PRKCE: variants seen among roughly 807,000 people sequenced by gnomAD.
PRKCE encodes protein kinase C epsilon type.
A neutral mutation model predicts 85.4 loss-of-function variants in PRKCE; 16 were observed. That is an observed-to-expected ratio of 0.19 (90% CI 0.13 to 0.28). PRKCE has a LOEUF of 0.28. Ranked by LOEUF, PRKCE falls within the 10% of genes least tolerant of loss-of-function variation. The probability of loss-of-function intolerance (pLI) is 1.00; values close to 1 mark genes in which losing one functional copy is unlikely to be tolerated. For synonymous variants in PRKCE, 388 were observed against 371.5 expected (o/e 1.04, Z -0.51); for missense variants, 573 against 975.2 (o/e 0.59, Z 5.49).
chr2:45,881,784 T>C (rs1320667833), intron 2 of PRKCE, among the ~76,000 whole-genome samples: 2 of 152,194 alleles, frequency 1.3e-5, no homozygotes, highest in African/African-American at 4.8e-5. Flanking sequence ...GTCCTTAATC[T>C]TACTCTTTAC....
At chr2:46,028,094 A>G (rs1707254944) in intron 10 of PRKCE, among the ~76,000 whole-genome samples, 1 of 151,996 alleles carries the variant, frequency 6.6e-6, no homozygotes, top group African/African-American at 2.4e-5. Flanking sequence ...GGCTCCCACC[A>G]CTGCACCCGG....
intron 3 of PRKCE, among the ~76,000 whole-genome samples, chr2:45,977,792 C>T (rs1248135994): frequency 6.6e-6 from 1 of 152,212 alleles, no homozygotes; most frequent in African/African-American, 2.4e-5. Flanking sequence ...GATTCTACCC[C>T]TAGTAGTCTG....
intron 1 of PRKCE, among the ~76,000 whole-genome samples, chr2:45,834,540 A>C (rs1032956542): frequency 1.3e-5 from 2 of 151,888 alleles, no homozygotes; most frequent in Admixed American, 1.3e-4. Context: ...GCTGATTAAG[A>C]CTCCTTCTGG....
intron 10 of PRKCE, among the ~76,000 whole-genome samples, chr2:46,060,431 G>A (rs1306536526): frequency 6.6e-6 from 1 of 152,162 alleles, no homozygotes; most frequent in African/African-American, 2.4e-5. Context: ...AAAGCAGTGA[G>A]GGTTAAGTGA....
chr2:45,882,747 GC>G (rs1416273870), intron 2 of PRKCE, among the ~76,000 whole-genome samples: 1 of 152,254 alleles, frequency 6.6e-6, no homozygotes, highest in Non-Finnish European at 1.5e-5. Flanking sequence ...TGCCTTAAGA[GC>G]TGGAATCTGA....
At chr2:45,937,478 T>C (rs1345149237) in intron 2 of PRKCE, among the ~76,000 whole-genome samples, 1 of 152,100 alleles carries the variant, frequency 6.6e-6, no homozygotes, top group Non-Finnish European at 1.5e-5. Context: ...TTTGGGAGGC[T>C]CAGGCGCGCG....
chr2:45,919,091 T>A (rs984439951), intron 2 of PRKCE, among the ~76,000 whole-genome samples: 1 of 152,158 alleles, frequency 6.6e-6, no homozygotes, highest in Non-Finnish European at 1.5e-5. Context: ...ATCAAGGTTG[T>A]TATATGGAAA....
intron 11 of PRKCE, among the ~76,000 whole-genome samples, chr2:46,136,573 T>G (rs935112493): frequency 2.0e-5 from 3 of 152,152 alleles, no homozygotes; most frequent in African/African-American, 7.2e-5. Flanking sequence ...GTTCTTTATC[T>G]GCAAACCTAT....
chr2:45,864,433 A>C (rs1167711237), intron 2 of PRKCE, among the ~76,000 whole-genome samples: 1 of 152,214 alleles, frequency 6.6e-6, no homozygotes, highest in African/African-American at 2.4e-5. Flanking sequence ...TAGGAACAAT[A>C]GACTGTCCTA....
intron 2 of PRKCE, among the ~76,000 whole-genome samples, chr2:45,914,454 T>C (rs771996412): frequency 6.6e-6 from 1 of 152,106 alleles, no homozygotes; most frequent in African/African-American, 2.4e-5. Flanking sequence ...AGATCTAGAT[T>C]TAGGAATTGT....
chr2:45,918,859 G>C (rs999286413), intron 2 of PRKCE, among the ~76,000 whole-genome samples: 1 of 152,196 alleles, frequency 6.6e-6, no homozygotes, highest in African/African-American at 2.4e-5. Flanking sequence ...AGGACAGGCC[G>C]TATTATTGAA....
At chr2:45,733,392 C>T (rs1337111143) in intron 1 of PRKCE, among the ~76,000 whole-genome samples, 1 of 152,160 alleles carries the variant, frequency 6.6e-6, no homozygotes, top group African/African-American at 2.4e-5. Context: ...CAGATAAGGT[C>T]TCTGTCCTCA....
intron 2 of PRKCE, among the ~76,000 whole-genome samples, chr2:45,968,922 C>A (rs747013585): frequency 6.6e-6 from 1 of 151,810 alleles, no homozygotes; most frequent in Non-Finnish European, 1.5e-5. Flanking sequence ...GTCTCACCCC[C>A]AAAGAAAACG....
chr2:45,990,632 C>G (rs1703715084), intron 6 of PRKCE, among the ~76,000 whole-genome samples: 1 of 151,830 alleles, frequency 6.6e-6, no homozygotes, highest in South Asian at 2.1e-4. Flanking sequence ...TAGCACTTAT[C>G]ATCTTCTAAT....
intron 1 of PRKCE, among the ~76,000 whole-genome samples, chr2:45,686,863 A>G (rs1159242215): frequency 1.3e-5 from 2 of 152,206 alleles, no homozygotes; most frequent in Middle Eastern, 3.2e-3. Context: ...GGCATTTTAT[A>G]TCAGTGAAGA....
chr2:45,840,774 C>A (rs1691282509), intron 1 of PRKCE, among the ~76,000 whole-genome samples: 2 of 152,164 alleles, frequency 1.3e-5, no homozygotes, highest in Admixed American at 6.5e-5. Context: ...ACTCTGGGAG[C>A]CTCCTGGATT....
intron 12 of PRKCE, among the ~76,000 whole-genome samples, chr2:46,148,810 C>T (rs1191962119): frequency 1.3e-5 from 2 of 152,192 alleles, no homozygotes; most frequent in Non-Finnish European, 2.9e-5. Context: ...CTCGTAGGAA[C>T]AGGCAGGGGT....
intron 1 of PRKCE, chr2:45,676,295 G>T (rs931084260): frequency 1.3e-5 from 2 of 152,186 alleles, no homozygotes; most frequent in Admixed American, 6.5e-5. Context: ...CCTGTTTCTT[G>T]TAACTATTTG....
chr2:45,973,819 C>T (rs568029473), intron 2 of PRKCE, among the ~76,000 whole-genome samples: 88 of 152,286 alleles, frequency 5.8e-4, no homozygotes, highest in Non-Finnish European at 1.0e-3. Context: ...CTGTAACCAC[C>T]GTCATAACAG....
Sources: gnomAD v4.1 joint callset for allele counts (sites outside exome capture counted in the v4.1 genomes callset) on GRCh38, gnomAD v4.1.1 for gene constraint, MANE v1.5 for transcripts, NCBI Gene and HGNC (gene_info 2026-07-23, HGNC 2026-07-21) for gene names.